CEP295: variants seen among roughly 807,000 people sequenced by gnomAD.
The protein encoded by CEP295 is centrosomal protein 295, also known as centrosomal protein of 295 kDa.
In CEP295, 190 loss-of-function variants were observed where a neutral mutation model predicts 291.6. The observed-to-expected ratio is 0.65, with a 90% confidence interval of 0.58 to 0.73. CEP295 has a LOEUF of 0.73. Among genes scored for constraint, CEP295 ranks in the 30% least tolerant of loss-of-function variants. The probability of loss-of-function intolerance (pLI) is 0.00; values close to 1 mark genes in which losing one functional copy is unlikely to be tolerated. For synonymous variants in CEP295, 993 were observed against 1,038.8 expected, an observed-to-expected ratio of 0.96 and a Z score of 0.85; for missense variants, 2,863 against 2,949.4, an observed-to-expected ratio of 0.97 and a Z score of 0.68.
chr11:93,718,288 A>G (rs1953420747), intron 18 of CEP295, among the ~76,000 whole-genome samples: 1 of 152,212 alleles, frequency 6.6e-6, no homozygotes, highest in South Asian at 2.1e-4. Context: ...GATTTAACAG[A>G]TTTTTAAGAT....
At chr11:93,678,043 A>G (rs546290090) in intron 6 of CEP295, among the ~76,000 whole-genome samples, 1 of 152,156 alleles carries the variant, frequency 6.6e-6, no homozygotes, top group Non-Finnish European at 1.5e-5. Context: ...CCCTTTATTC[A>G]TATCCTTTAT....
chr11:93,691,856 A>C, intron 11 of CEP295, 71 bp from the exon 12 acceptor site: 1 of 1,289,108 alleles, frequency 7.8e-7, no homozygotes, highest in South Asian at 1.4e-5. Flanking sequence ...TGATATATTA[A>C]GAAAGGGCAT....
intron 15 of CEP295, among the ~76,000 whole-genome samples, chr11:93,702,050 C>T (rs988149912): frequency 5.3e-5 from 8 of 152,016 alleles, no homozygotes; most frequent in African/African-American, 1.9e-4. Context: ...CCTCTGCCTT[C>T]CAGGTTCAAG....
chr11:93,682,444 G>A (rs1329974307), intron 7 of CEP295, among the ~76,000 whole-genome samples: 2 of 151,948 alleles, frequency 1.3e-5, no homozygotes, highest in Non-Finnish European at 2.9e-5. Context: ...GGCTGGCCTC[G>A]AACTCCTGAC....
chr11:93,729,039 G>A (rs377616111), intron 25 of CEP295: 3 of 531,356 alleles, frequency 5.6e-6, no homozygotes, highest in Non-Finnish European at 9.9e-6. Flanking sequence ...CTGTCTCCAA[G>A]ACTGGCAGAA....
intron 9 of CEP295, among the ~76,000 whole-genome samples, chr11:93,684,788 C>T (rs1191646636): frequency 6.6e-6 from 1 of 152,184 alleles, no homozygotes; most frequent in African/African-American, 2.4e-5. Flanking sequence ...AGCTCTGGAT[C>T]TCTTATTTGG....
In CEP295 at chr11:93,675,639, T is replaced by G. The variant is rs765677115; in HGVS notation, c.597T>G (p.Phe199Leu). ...NSSTYHHLHT[F>L]VNRETDTKRP... is the part of the protein sequence containing the mutation. ...CTACCTACCATCATCTTCACACTTTTGTGAATAGAGAGACAGACACAAAAC... is the reference window on the plus strand; with the variant it reads ...CTACCTACCATCATCTTCACACTTTGGTGAATAGAGAGACAGACACAAAAC... Residue 199 changes from phenylalanine to leucine, a missense_variant, in exon 6 of 30, where the codon TTT (phenylalanine) becomes TTG (leucine). Phe to Leu is a conservative substitution (Grantham distance 22, BLOSUM62 0). Transcript: ENST00000325212. The G allele has an allele frequency of 6.6e-7, 1 of 1,505,752 alleles. No individual in the cohort carries two copies. Among genetic ancestry groups the G allele is most frequent in the Non-Finnish European group, 8.9e-7 (1 of 1,127,218 alleles). The allele number at this position is 1,505,752 out of a possible 1,614,324, so 93.3% of individuals were successfully genotyped here.
At chr11:93,694,651 G>C (rs573084658) in intron 12 of CEP295, among the ~76,000 whole-genome samples, 14 of 152,270 alleles carry the variant, frequency 9.2e-5, no homozygotes, top group Non-Finnish European at 1.8e-4. Flanking sequence ...AGTAACAAAT[G>C]GCCTGGTCCA....
chr11:93,706,927 T>C, intron 18 of CEP295, 30 bp downstream of exon 18: 2 of 1,488,476 alleles, frequency 1.3e-6, no homozygotes, highest in South Asian at 1.3e-5. Flanking sequence ...TGGAATTGTA[T>C]GCACAAGGAT....
intron 5 of CEP295, among the ~76,000 whole-genome samples, chr11:93,670,323 T>A (rs1944104): frequency 0.39 from 59,011 of 151,722 alleles, 13,043 homozygotes; most frequent in Non-Finnish European, 0.49. Context: ...AGGAAAAAAA[T>A]ATTATAAAAT....
chr11:93,722,461 C>CA (rs749072424), intron 20 of CEP295: 402 of 138,046 alleles, frequency 2.9e-3, no homozygotes, highest in Middle Eastern at 0.014. Flanking sequence ...AACCCTGTCT[C>CA]AAAAAAAAAA....
chr11:93,707,212 A>T (rs1412750503), intron 18 of CEP295, among the ~76,000 whole-genome samples: 1 of 152,200 alleles, frequency 6.6e-6, no homozygotes, highest in Non-Finnish European at 1.5e-5. Flanking sequence ...TAAATATTTT[A>T]AAAATTCTAT....
intron 17 of CEP295, 116 bp downstream of exon 17, chr11:93,703,035 C>T (rs964816620): frequency 2.5e-6 from 2 of 815,470 alleles, no homozygotes; most frequent in Admixed American, 3.1e-5. Flanking sequence ...GTGATCTCAG[C>T]TCACTGAAAC....
chr11:93,670,075 T>C, intron 5 of CEP295, among the ~76,000 whole-genome samples: 1 of 152,148 alleles, frequency 6.6e-6, no homozygotes, highest in East Asian at 1.9e-4. Flanking sequence ...AAAATTTTGT[T>C]GTTTGGAAAA....
At chr11:93,725,585 A>C in intron 22 of CEP295, 66 bp from the exon 23 acceptor site, 1 of 1,277,144 alleles carries the variant, frequency 7.8e-7, no homozygotes, top group Middle Eastern at 1.9e-4. Flanking sequence ...AAGGAACACA[A>C]TGATTATTGT....
At chr11:93,667,063 A>T (rs1466070987) in intron 2 of CEP295, among the ~76,000 whole-genome samples, 1 of 152,216 alleles carries the variant, frequency 6.6e-6, no homozygotes, top group Non-Finnish European at 1.5e-5. Context: ...TATCTTTTTT[A>T]AAAATGGTCT....
In CEP295 at chr11:93,730,316, T is replaced by C. The variant is rs766201650; in HGVS notation, c.*47T>C. The C allele has an allele frequency of 1.6e-6, 2 of 1,248,888 alleles. No homozygotes were observed. Among genetic ancestry groups the C allele is most frequent in the South Asian group, 2.6e-5 (2 of 77,196 alleles). 77.4% of individuals were successfully genotyped at this position (1,248,888 alleles called of 1,614,324 possible). A position where few individuals can be genotyped will look rare whatever the true frequency, so the allele number is the denominator to read the frequency against. On this transcript the variant is annotated 3_prime_UTR_variant, in exon 30 of 30. Coordinates refer to ENST00000325212, the MANE Select transcript of CEP295 (RefSeq NM_033395.2). ...GTTTTTTAATTGTGTATATGTAGCA[T>C]TAGACAAAATTATTTAAAGTCAATA... is the stretch of plus-strand genomic sequence containing the variant.
At position 93,697,558 on chromosome 11, in the gene CEP295, A is replaced by G. The variant is rs753349877; in HGVS notation, c.2646A>G (p.Gln882=). 3.0e-5 allele frequency: 47 copies of G among 1,551,794 alleles called. No homozygotes were observed. In the East Asian group the frequency reaches 1.0e-3, roughly 34 times the overall value. The part of the protein sequence containing the change: ...LLCKQKEVEQ[Q]TGLSVFLPLV... ...GCAAACAGAAAGAAGTGGAACAGCAAACGGGCCTCTCGGTATTCCTTCCCT... is the reference window on the plus strand; with the variant it reads ...GCAAACAGAAAGAAGTGGAACAGCAGACGGGCCTCTCGGTATTCCTTCCCT... The change falls in exon 15 of 30, where the codon CAA becomes CAG. Residue 882 remains glutamine (Q), a synonymous_variant. Coordinates refer to ENST00000325212, the MANE Select transcript of CEP295 (RefSeq NM_033395.2).
rs1951981020 is a variant in CEP295, at chr11:93,698,782, A to G, written c.3870A>G (p.Ser1290=). 1 of 1,551,746 alleles carries G rather than the reference A, an allele frequency of 6.4e-7. No individual in the cohort carries two copies. Residue 1290 remains serine, a synonymous_variant, in exon 15 of 30, where the codon TCA becomes TCG. Coordinates refer to ENST00000325212, the MANE Select transcript of CEP295 (RefSeq NM_033395.2). ...CTTCTGAACAAACTGGTTCATCTTC[A>G]TTCATACCCCAGTTGGTACAGCTTT... ...NTSSEQTGSS[S]FIPQLVQLSF...
Sources: gnomAD v4.1 joint callset for allele counts (sites outside exome capture counted in the v4.1 genomes callset) on GRCh38, gnomAD v4.1.1 for gene constraint, MANE v1.5 for transcripts, NCBI Gene and HGNC (gene_info 2026-07-23, HGNC 2026-07-21) for gene names.